The following FHIP1A variants were observed in gnomAD, a reference collection of about 807,000 sequenced individuals.
FHIP1A encodes the protein FHF complex subunit HOOK-interacting protein 1A.
In FHIP1A, 61 loss-of-function variants were observed where a neutral mutation model predicts 88.6. The observed-to-expected ratio is 0.69, with a 90% CI of 0.56 to 0.85. The LOEUF (loss-of-function observed/expected upper bound fraction) is 0.85, where lower values mean the gene tolerates loss of function less well. FHIP1A is among the 40% of genes least tolerant of loss of function. The pLI, the probability that FHIP1A is intolerant of heterozygous loss-of-function variation, is 0.00. For synonymous variants in FHIP1A, 478 were observed against 496.0 expected (o/e 0.96, Z 0.48); for missense variants, 1,154 against 1,273.5 (o/e 0.91, Z 1.43).
intron 3 of FHIP1A, among the ~76,000 whole-genome samples, chr4:151,554,607 T>C (rs1054905851): frequency 6.6e-6 from 1 of 152,166 alleles, no homozygotes; most frequent in Non-Finnish European, 1.5e-5. Context: ...CCAAAGGTTT[T>C]GGGATGCTGA....
chr4:151,571,340 T>A (rs2126780576), intron 4 of FHIP1A, among the ~76,000 whole-genome samples: 1 of 152,296 alleles, frequency 6.6e-6, no homozygotes, highest in Admixed American at 6.5e-5. Context: ...TGTTTAAAAA[T>A]TTTTTAGGCT....
At chr4:151,501,725 T>C (rs1393114898) in intron 3 of FHIP1A, among the ~76,000 whole-genome samples, 1 of 151,826 alleles carries the variant, frequency 6.6e-6, no homozygotes, top group Non-Finnish European at 1.5e-5. Context: ...ATATCTACTG[T>C]GGGGAAATGT....
chr4:151,578,710 A>G (rs1440136072), intron 5 of FHIP1A, among the ~76,000 whole-genome samples: 2 of 152,074 alleles, frequency 1.3e-5, no homozygotes, highest in African/African-American at 4.8e-5. Flanking sequence ...AACTAAACAT[A>G]CTCTTGCCAT....
At chr4:151,567,353 G>A (rs755911656) in intron 4 of FHIP1A, among the ~76,000 whole-genome samples, 2 of 151,750 alleles carry the variant, frequency 1.3e-5, no homozygotes, top group Non-Finnish European at 2.9e-5. Context: ...GCAATTATAG[G>A]GGACACAGTT....
chr4:151,515,679 T>C (rs1259256450), intron 3 of FHIP1A, among the ~76,000 whole-genome samples: 1 of 152,102 alleles, frequency 6.6e-6, no homozygotes, highest in Non-Finnish European at 1.5e-5. Flanking sequence ...AGCCAAATCA[T>C]GAGTGAACTC....
intron 4 of FHIP1A, 136 bp downstream of exon 4, chr4:151,566,500 G>A (rs1733394747): frequency 4.9e-6 from 3 of 607,800 alleles, no homozygotes. Flanking sequence ...TTTCAGATAG[G>A]AAGAAAAGTA....
chr4:151,620,383 C>T (rs1362509867), intron 7 of FHIP1A, among the ~76,000 whole-genome samples: 2 of 152,152 alleles, frequency 1.3e-5, no homozygotes, highest in Non-Finnish European at 2.9e-5. Flanking sequence ...CTACTTTGCC[C>T]AAAGAGATCT....
chr4:151,567,867 C>A (rs962154447), intron 4 of FHIP1A, among the ~76,000 whole-genome samples: 7 of 152,216 alleles, frequency 4.6e-5, no homozygotes, highest in African/African-American at 1.7e-4. Context: ...CCAGTCATTT[C>A]ATTAGGCTTA....
rs567412902 is a variant in FHIP1A, at chr4:151,649,965, G to A, written c.1924G>A (p.Val642Met). The A allele has an allele frequency of 7.1e-6, 11 of 1,551,650 alleles. No individual in the cohort carries two copies. The East Asian group carries it at 2.2e-4, about 31-fold the overall frequency. ...AGAAGAGTCGGACTTTCAGGATGATGTGATGGTGTACAGGCTGTGTGCTGA... is the reference window on the plus strand; with the variant it reads ...AGAAGAGTCGGACTTTCAGGATGATATGATGGTGTACAGGCTGTGTGCTGA... Reference protein sequence around the residue: ...YIEESDFQDDVMVYRLCAEKD... With the variant: ...YIEESDFQDDMMVYRLCAEKD... Residue 642 changes from valine (V) to methionine (M), a missense_variant, in exon 11 of 14, where the codon GTG becomes ATG. Val to Met is a conservative substitution (Grantham distance 21). Coordinates refer to ENST00000435205, the MANE Select transcript of FHIP1A (RefSeq NM_001109977.3).
chr4:151,533,655 A>T (rs918842574), intron 3 of FHIP1A, among the ~76,000 whole-genome samples: 36 of 152,278 alleles, frequency 2.4e-4, no homozygotes, highest in African/African-American at 8.2e-4. Context: ...AGGGTTTTTT[A>T]ACTATCATTC....
At chr4:151,518,140 A>T (rs62329061) in intron 3 of FHIP1A, among the ~76,000 whole-genome samples, 53,382 of 151,996 alleles carry the variant, frequency 0.35, 9,971 homozygotes, top group Non-Finnish European at 0.43. Context: ...AGCTCTATTC[A>T]TGGTAAGTGC....
Position 151,649,644 on chromosome 4 carries a change from T to C in FHIP1A, c.1603T>C (p.Phe535Leu), listed in dbSNP as rs1484214192. The C allele has an allele frequency of 1.3e-6, 2 of 1,551,646 alleles. No homozygotes were observed. The highest frequency in any genetic ancestry group is 2.4e-5 in the South Asian group (2 of 84,062). ...TGGCGACTCCCCCGACCCTGAGATG[T>C]TTCTCCAGAGTCTGACGGAGGAGGG... ...YDGDSPDPEM[F>L]LQSLTEEGSV... Residue 535 changes from phenylalanine to leucine, a missense_variant, in exon 11 of 14, where the codon TTT becomes CTT. Phe to Leu is a conservative substitution (Grantham distance 22). Transcript: ENST00000435205.
At chr4:151,552,620 A>C (rs1732784213) in intron 3 of FHIP1A, among the ~76,000 whole-genome samples, 1 of 152,116 alleles carries the variant, frequency 6.6e-6, no homozygotes, top group South Asian at 2.1e-4. Context: ...GTGGGAATTG[A>C]ACAATGAGAA....
chr4:151,510,615 G>C (rs1202327510), intron 3 of FHIP1A, among the ~76,000 whole-genome samples: 1 of 152,150 alleles, frequency 6.6e-6, no homozygotes, highest in Non-Finnish European at 1.5e-5. Context: ...TCTTACTATA[G>C]TCGGGATTCA....
chr4:151,657,999 G>T (rs1037321446), intron 13 of FHIP1A, among the ~76,000 whole-genome samples: 3 of 152,208 alleles, frequency 2.0e-5, no homozygotes, highest in Non-Finnish European at 4.4e-5. Flanking sequence ...TGAGCTCTTA[G>T]GGTACTGCAA....
intron 3 of FHIP1A, among the ~76,000 whole-genome samples, chr4:151,520,933 G>A (rs1411979312): frequency 6.6e-6 from 1 of 152,164 alleles, no homozygotes; most frequent in African/African-American, 2.4e-5. Context: ...TTGCATGCAT[G>A]TTGCAAGATT....
rs183599669 is a variant in FHIP1A at position 151,471,619 on chromosome 4, T to A, written c.-247-10905T>A. Among the ~76,000 whole-genome samples the A allele has an allele frequency of 1.2e-4, 19 of 152,258 alleles. No homozygotes were observed. The East Asian group carries it at 2.3e-3, about 19-fold the overall frequency. On this transcript the variant is annotated intron_variant, in intron 2 of 13. Coordinates refer to ENST00000435205, the MANE Select transcript of FHIP1A (RefSeq NM_001109977.3). ...AACACATGGGAGATTTCTTTTTTTT[T>A]AAATTTTATTTCCATACGTTATTGG...
chr4:151,444,760 C>A (rs1398533313), intron 1 of FHIP1A, among the ~76,000 whole-genome samples: 1 of 152,058 alleles, frequency 6.6e-6, no homozygotes, highest in Admixed American at 6.6e-5. Flanking sequence ...ATTCATGAAG[C>A]CATATTTTAG....
intron 4 of FHIP1A, among the ~76,000 whole-genome samples, chr4:151,571,807 A>G (rs1733612033): frequency 6.6e-6 from 1 of 152,248 alleles, no homozygotes; most frequent in Non-Finnish European, 1.5e-5. Context: ...CTCTTCCAAG[A>G]CTTACAGGTA....
Sources: allele counts gnomAD v4.1 joint callset (sites outside exome capture counted in the v4.1 genomes callset), GRCh38; gene constraint gnomAD v4.1.1; transcripts MANE v1.5; gene names NCBI Gene and HGNC (gene_info 2026-07-23, HGNC 2026-07-21).